Variants in MPPED2 observed in about 807,000 individuals in gnomAD.
The protein encoded by MPPED2 is metallophosphoesterase MPPED2.
A neutral mutation model predicts 33.0 loss-of-function variants in MPPED2; 5 were observed. The ratio of observed to expected loss-of-function variants is 0.15; its 90% confidence interval spans 0.08 to 0.32. MPPED2 has a LOEUF of 0.32. Ranked by LOEUF, MPPED2 falls within the 10% of genes least tolerant of loss-of-function variation. The probability of loss-of-function intolerance (pLI) is 1.00; values close to 1 mark genes in which losing one functional copy is unlikely to be tolerated. For missense variants in MPPED2, 275 were observed against 372.1 expected (o/e 0.74, Z 2.15); for synonymous variants, 136 against 141.9 (o/e 0.96, Z 0.29).
At chr11:30,578,142 G>A (rs1957009785) in intron 2 of MPPED2, among the ~76,000 whole-genome samples, 1 of 152,144 alleles carries the variant, frequency 6.6e-6, no homozygotes, top group Admixed American at 6.5e-5. Flanking sequence ...AAAGGCTTAA[G>A]TGGAGGAACC....
intron 2 of MPPED2, among the ~76,000 whole-genome samples, chr11:30,563,501 T>C (rs1469115243): frequency 6.6e-6 from 1 of 152,014 alleles, no homozygotes; most frequent in Non-Finnish European, 1.5e-5. Context: ...TGCCAAAAAA[T>C]GAGAGCTCCC....
rs376625583 is a variant in MPPED2 at position 30,562,565 on chromosome 11, T to C, written c.128+17681A>G. On this transcript the variant is annotated intron_variant, in intron 2 of 6. Transcript: ENST00000358117. ...AACTAAGGCAGACGCCCAAAAAATC[T>C]TATTTTAGACATGTTCTTGAATTCT... is the stretch of plus-strand genomic sequence containing the variant. Among the ~76,000 whole-genome samples the C allele has an allele frequency of 4.5e-4, 69 of 152,302 alleles. 4 individuals carry two copies. The South Asian group carries it at 0.014, about 30-fold the overall frequency.
At chr11:30,460,619 T>C (rs955399871) in intron 4 of MPPED2, among the ~76,000 whole-genome samples, 8 of 152,164 alleles carry the variant, frequency 5.3e-5, no homozygotes, top group African/African-American at 1.9e-4. Context: ...CAAGAGCTTG[T>C]CTCTAAAAAA....
intron 2 of MPPED2, among the ~76,000 whole-genome samples, chr11:30,550,285 C>T (rs1473295464): frequency 6.6e-6 from 1 of 152,172 alleles, no homozygotes; most frequent in Admixed American, 6.5e-5. Flanking sequence ...TTGTGTCTTT[C>T]CCACCCCTGC....
At chr11:30,558,132 A>G (rs1956069784) in intron 2 of MPPED2, among the ~76,000 whole-genome samples, 1 of 152,096 alleles carries the variant, frequency 6.6e-6, no homozygotes, top group Non-Finnish European at 1.5e-5. Flanking sequence ...GCACACACAC[A>G]TATACACACA....
chr11:30,471,494 A>T (rs1428414522), intron 4 of MPPED2, among the ~76,000 whole-genome samples: 2 of 152,160 alleles, frequency 1.3e-5, no homozygotes, highest in African/African-American at 4.8e-5. Flanking sequence ...TCTGCCTTAA[A>T]TATCCTCTTC....
chr11:30,478,805 G>A (rs1013560267), intron 4 of MPPED2, among the ~76,000 whole-genome samples: 2 of 152,116 alleles, frequency 1.3e-5, no homozygotes, highest in African/African-American at 4.8e-5. Context: ...TAATAACAAC[G>A]AAACACCTTA....
rs145064375 is a variant in MPPED2, at chr11:30,512,883, C to T, written c.311-17362G>A. Among the ~76,000 whole-genome samples the T allele has an allele frequency of 2.3e-3, 354 of 152,130 alleles. 1 individual carries two copies. Among genetic ancestry groups the T allele is most frequent in the Non-Finnish European group, 2.8e-3 (193 of 68,014 alleles). On this transcript the variant is annotated intron_variant, in intron 3 of 6. Transcript: ENST00000358117. Reference sequence around the variant, plus strand: ...AAATGTGGTGGTGTACACCTGTGATCGCAGCTACTCGGGAGGCTGAGGTGG... The same window carrying T: ...AAATGTGGTGGTGTACACCTGTGATTGCAGCTACTCGGGAGGCTGAGGTGG...
At chr11:30,408,006 C>A (rs1948017082), downstream of MPPED2, among the ~76,000 whole-genome samples, 1 of 152,176 alleles carries the variant, frequency 6.6e-6, no homozygotes, top group Non-Finnish European at 1.5e-5. Context: ...ATGTGCACCA[C>A]TTACTAGATG....
intron 4 of MPPED2, among the ~76,000 whole-genome samples, chr11:30,430,051 G>T (rs1354399626): frequency 6.6e-6 from 1 of 152,070 alleles, no homozygotes; most frequent in Non-Finnish European, 1.5e-5. Flanking sequence ...ACACAAAATA[G>T]AGGTCAAGAA....
chr11:30,464,052 T>G (rs1197290409), intron 4 of MPPED2, among the ~76,000 whole-genome samples: 1 of 152,150 alleles, frequency 6.6e-6, no homozygotes, highest in African/African-American at 2.4e-5. Flanking sequence ...CAATATAAAT[T>G]TGATTAGTTA....
At chr11:30,509,885 T>C (rs1268431515) in intron 3 of MPPED2, among the ~76,000 whole-genome samples, 1 of 152,200 alleles carries the variant, frequency 6.6e-6, no homozygotes, top group Non-Finnish European at 1.5e-5. Context: ...ATTCAGAACT[T>C]CTGATTTTGC....
At chr11:30,471,631 T>TTC (rs1477769868) in intron 4 of MPPED2, among the ~76,000 whole-genome samples, 2 of 152,214 alleles carry the variant, frequency 1.3e-5, no homozygotes, top group Non-Finnish European at 2.9e-5. Context: ...AATGATCTAC[T>TTC]TCTCTCTCTC....
chr11:30,464,630 C>T (rs1024590500), intron 4 of MPPED2, among the ~76,000 whole-genome samples: 2 of 152,170 alleles, frequency 1.3e-5, no homozygotes, highest in African/African-American at 4.8e-5. Flanking sequence ...GGGCAGAAAC[C>T]TGCTAAGTTA....
At chr11:30,426,194 T>C (rs995192524) in intron 4 of MPPED2, among the ~76,000 whole-genome samples, 2 of 152,206 alleles carry the variant, frequency 1.3e-5, no homozygotes, top group African/African-American at 4.8e-5. Flanking sequence ...TAGTAACCAC[T>C]ATTATACTTT....
At chr11:30,397,973 T>C (rs1947859544) in intron 6 of MPPED2, among the ~76,000 whole-genome samples, 1 of 152,160 alleles carries the variant, frequency 6.6e-6, no homozygotes, top group Non-Finnish European at 1.5e-5. Context: ...CAAGATCTCT[T>C]AGCTTGACCA....
chr11:30,417,087 G>T (rs1431393961), intron 5 of MPPED2, among the ~76,000 whole-genome samples: 1 of 152,092 alleles, frequency 6.6e-6, no homozygotes, highest in Non-Finnish European at 1.5e-5. Context: ...GGTCTTCCAG[G>T]TTCCAGCATT....
chr11:30,416,575 G>GATTA (rs1276449008), intron 5 of MPPED2, among the ~76,000 whole-genome samples: 1 of 152,116 alleles, frequency 6.6e-6, no homozygotes, highest in Non-Finnish European at 1.5e-5. Flanking sequence ...AAACCAAGAT[G>GATTA]ATTAAGAAAC....
At chr11:30,521,704 A>T (rs1019750842) in intron 3 of MPPED2, among the ~76,000 whole-genome samples, 1 of 152,224 alleles carries the variant, frequency 6.6e-6, no homozygotes, top group Non-Finnish European at 1.5e-5. Flanking sequence ...TTGCCAGTAA[A>T]ATGTAAAAAC....
Sources: allele counts gnomAD v4.1 joint callset (sites outside exome capture counted in the v4.1 genomes callset), GRCh38; gene constraint gnomAD v4.1.1; transcripts MANE v1.5; gene names NCBI Gene and HGNC (gene_info 2026-07-23, HGNC 2026-07-21).